Variants in KCND2 observed in about 807,000 individuals in gnomAD.
KCND2 encodes the protein potassium voltage-gated channel subfamily D member 2.
Under a neutral mutation model 54.4 loss-of-function variants are expected in KCND2, and 16 were observed. The ratio of observed to expected loss-of-function variants is 0.29; its 90% confidence interval spans 0.20 to 0.45. The LOEUF (loss-of-function observed/expected upper bound fraction) is 0.45, where lower values mean the gene tolerates loss of function less well. Ranked by LOEUF, KCND2 falls within the 20% of genes least tolerant of loss-of-function variation. KCND2 has a pLI of 1.00. For synonymous variants in KCND2, 317 were observed against 310.7 expected, an observed-to-expected ratio of 1.02 and a Z score of -0.21; for missense variants, 486 against 824.2, an observed-to-expected ratio of 0.59 and a Z score of 5.02.
At chr7:120,667,363 G>C (rs928191373) in intron 1 of KCND2, among the ~76,000 whole-genome samples, 3 of 151,992 alleles carry the variant, frequency 2.0e-5, no homozygotes, top group African/African-American at 7.2e-5. Context: ...CTTCAAAGTG[G>C]TCTCAAAATC....
At chr7:120,385,771 T>C (rs1260005686) in intron 1 of KCND2, among the ~76,000 whole-genome samples, 1 of 152,144 alleles carries the variant, frequency 6.6e-6, no homozygotes, top group Non-Finnish European at 1.5e-5. Flanking sequence ...GTTCTTGATA[T>C]ACAGAGTTTT....
chr7:120,566,962 A>G (rs1792306687), intron 1 of KCND2, among the ~76,000 whole-genome samples: 1 of 152,172 alleles, frequency 6.6e-6, no homozygotes, highest in African/African-American at 2.4e-5. Context: ...TGCTTTACAA[A>G]TGAATGCTTT....
rs532431885 is a variant in KCND2, at chr7:120,283,529, TA to T, written c.1115+7788del. On this transcript the variant is annotated intron_variant, in intron 1 of 5. Coordinates refer to ENST00000331113, the MANE Select transcript of KCND2 (RefSeq NM_012281.3). ...ATATCCAATTATTCAGGAGATTATC[TA>T]AAAAATGAGTATTTTCTAATACATA... 3.3e-5 allele frequency among the ~76,000 whole-genome samples: 5 copies of T among 152,274 alleles called. No homozygotes were observed. The South Asian group carries it at 1.0e-3, about 32-fold the overall frequency.
chr7:120,642,768 T>A (rs557695351), intron 1 of KCND2, among the ~76,000 whole-genome samples: 1 of 152,254 alleles, frequency 6.6e-6, no homozygotes, highest in African/African-American at 2.4e-5. Flanking sequence ...CTCATTTAAA[T>A]AAACTATTTC....
chr7:120,626,903 A>T (rs544216071), intron 1 of KCND2, among the ~76,000 whole-genome samples: 1 of 152,300 alleles, frequency 6.6e-6, no homozygotes, highest in East Asian at 1.9e-4. Flanking sequence ...GTCCCTAAAG[A>T]AATCCTCGGG....
intron 1 of KCND2, among the ~76,000 whole-genome samples, chr7:120,686,387 A>G (rs184623146): frequency 6.6e-6 from 1 of 152,258 alleles, no homozygotes; most frequent in Non-Finnish European, 1.5e-5. Context: ...CATATAATGG[A>G]ATATTATTTA....
At chr7:120,545,362 C>T (rs1158830160) in intron 1 of KCND2, among the ~76,000 whole-genome samples, 2 of 151,842 alleles carry the variant, frequency 1.3e-5, no homozygotes, top group African/African-American at 2.4e-5. Context: ...TGGAGAGCCT[C>T]AAATTATATG....
At chr7:120,524,245 A>C (rs1481413603) in intron 1 of KCND2, among the ~76,000 whole-genome samples, 1 of 152,160 alleles carries the variant, frequency 6.6e-6, no homozygotes, top group African/African-American at 2.4e-5. Flanking sequence ...AAAAAAAAGA[A>C]AAAAAGCCAA....
chr7:120,599,701 T>C (rs1442746731), intron 1 of KCND2, among the ~76,000 whole-genome samples: 2 of 152,032 alleles, frequency 1.3e-5, no homozygotes, highest in African/African-American at 4.8e-5. Flanking sequence ...AATAGCTTTT[T>C]TGTAGATTTT....
chr7:120,488,562 T>C (rs553476160), intron 1 of KCND2, among the ~76,000 whole-genome samples: 6 of 152,254 alleles, frequency 3.9e-5, no homozygotes, highest in Admixed American at 2.6e-4. Flanking sequence ...CTATGAATTT[T>C]GCAAAGTGAA....
chr7:120,462,774 AGGC>A (rs1802302489), intron 1 of KCND2, among the ~76,000 whole-genome samples: 3 of 151,926 alleles, frequency 2.0e-5, no homozygotes, highest in Non-Finnish European at 4.4e-5. Context: ...ACTACTATAA[AGGC>A]ATAAGAGATG....
At chr7:120,381,703 G>A (rs769805843) in intron 1 of KCND2, among the ~76,000 whole-genome samples, 1 of 152,122 alleles carries the variant, frequency 6.6e-6, no homozygotes, top group East Asian at 1.9e-4. Flanking sequence ...AAAATTAGAG[G>A]TTAAAATGAT....
rs1039535049 is a variant in KCND2 at position 120,498,714 on chromosome 7, G to A, written c.1115+222967G>A. ...CGCTTGAACCCAGGAGGCAGAGGTT[G>A]CAGTAAGCCAAGATCGTGCCACTGC... On this transcript the variant is annotated intron_variant, in intron 1 of 5. Coordinates refer to ENST00000331113, the MANE Select transcript of KCND2 (RefSeq NM_012281.3). Among the ~76,000 whole-genome samples, 3 of 152,150 alleles carry A rather than the reference G, an allele frequency of 2.0e-5. No homozygotes were observed. In the South Asian group the frequency reaches 6.2e-4, roughly 32 times the overall value.
intron 1 of KCND2, among the ~76,000 whole-genome samples, chr7:120,620,619 C>A (rs1382219096): frequency 1.3e-5 from 2 of 152,106 alleles, no homozygotes; most frequent in Non-Finnish European, 2.9e-5. Flanking sequence ...AAGAATTAAG[C>A]TAATTCTCTC....
At chr7:120,645,817 A>C (rs973628022) in intron 1 of KCND2, among the ~76,000 whole-genome samples, 11 of 152,236 alleles carry the variant, frequency 7.2e-5, no homozygotes, top group Admixed American at 5.9e-4. Context: ...TGACCATGTG[A>C]CAAATGGCAT....
In KCND2 at chr7:120,301,433, CT is replaced by C. The variant is rs369912406; in HGVS notation, c.1115+25687del. Among the ~76,000 whole-genome samples, 65 of 152,164 alleles carry C rather than the reference CT, an allele frequency of 4.3e-4. No homozygotes were observed. In the East Asian group the frequency reaches 0.011, roughly 27 times the overall value. On this transcript the variant is annotated intron_variant, in intron 1 of 5. Transcript: ENST00000331113. The stretch of plus-strand genomic sequence containing the variant: ...ATGTCGAATTTCTCCTGCCATATTT[CT>C]CAAAGTTATGTTTTTGATAAGTCGC...
chr7:120,313,202 T>C (rs557776572), intron 1 of KCND2, among the ~76,000 whole-genome samples: 2 of 152,186 alleles, frequency 1.3e-5, no homozygotes, highest in African/African-American at 4.8e-5. Flanking sequence ...TTGAAACATA[T>C]TTAGATAAGA....
intron 1 of KCND2, among the ~76,000 whole-genome samples, chr7:120,731,413 C>A (rs1331560299): frequency 1.3e-5 from 2 of 152,150 alleles, no homozygotes; most frequent in African/African-American, 4.8e-5. Flanking sequence ...TTAAATGGCA[C>A]CCTGAATAAT....
At chr7:120,314,849 T>A (rs1305122060) in intron 1 of KCND2, among the ~76,000 whole-genome samples, 1 of 152,152 alleles carries the variant, frequency 6.6e-6, no homozygotes, top group Non-Finnish European at 1.5e-5. Context: ...TTTAAAAAAA[T>A]TTAGTATGTT....
Sources: allele counts gnomAD v4.1 joint callset (sites outside exome capture counted in the v4.1 genomes callset), GRCh38; gene constraint gnomAD v4.1.1; transcripts MANE v1.5; gene names NCBI Gene and HGNC (gene_info 2026-07-23, HGNC 2026-07-21).